The following TTN variants were observed in gnomAD, a reference collection of about 807,000 sequenced individuals.
The protein encoded by TTN is connectin.
TTN carries 1,525 observed loss-of-function variants against 3,223.0 expected under a neutral mutation model. The observed-to-expected ratio is 0.47, with a 90% confidence interval of 0.45 to 0.49. TTN has a LOEUF of 0.49. Ranked by LOEUF, TTN falls within the 20% of genes least tolerant of loss-of-function variation. The pLI, the probability that TTN is intolerant of heterozygous loss-of-function variation, is 0.00. For missense variants in TTN, 40,786 were observed against 43,424.0 expected, an observed-to-expected ratio of 0.94 and a Z score of 5.40; for synonymous variants, 14,094 against 15,161.0, an observed-to-expected ratio of 0.93 and a Z score of 5.17.
At position 178,722,445 on chromosome 2, in the gene TTN, T is replaced by C. The variant is rs1349950887; in HGVS notation, c.22342A>G (p.Ile7448Val). Residue 7448 changes from isoleucine to valine, a missense_variant, in exon 77 of 363, where the codon ATC (isoleucine) becomes GTC (valine). Physicochemically the swap from Ile to Val is conservative, Grantham distance 29 (BLOSUM62 3). Coordinates refer to ENST00000589042, the MANE Select transcript of TTN (RefSeq NM_001267550.2). ...LTCRLNGSAP[I>V]QVCWYRDGVL... ...CCATCTCTATACCAGCACACTTGGA[T>C]GGGTGCAGAGCCATTTAATCGACAA... The C allele has an allele frequency of 1.2e-6, 2 of 1,613,356 alleles. No homozygotes were observed. Among genetic ancestry groups the C allele is most frequent in the Non-Finnish European group, 1.7e-6 (2 of 1,179,550 alleles).
Position 178,662,384 on chromosome 2 carries a change from T to A in TTN, c.36993A>T (p.Glu12331Asp). ...GTTTTTTGGGTGGAGCCACGGGAAT[T>A]TCTTTTTCTGTGGCTTCTTGAGGAA... ...PEVPQEATEK[E>D]IPVAPPKKPE... Residue 12331 changes from glutamate to aspartate, a missense_variant, in exon 177 of 363, where the codon GAA becomes GAT. Transcript: ENST00000589042. 4.8e-6 allele frequency: 7 copies of A among 1,470,632 alleles called. 2 individuals are homozygous for A. Among genetic ancestry groups the A allele is most frequent in the African/African-American group, 4.7e-5 (3 of 63,262 alleles). The allele number at this position is 1,470,632 out of a possible 1,614,324, so 91.1% of individuals were successfully genotyped here. A position where few individuals can be genotyped will look rare whatever the true frequency, so the allele number is the denominator to read the frequency against.
chr2:178,755,197 G>A (rs2154334145), intron 46 of TTN, among the ~76,000 whole-genome samples: 1 of 152,102 alleles, frequency 6.6e-6, no homozygotes, highest in Middle Eastern at 3.4e-3. Context: ...CAAAAGGAAA[G>A]TCCATGGATA....
Position 178,533,563 on chromosome 2 carries a change from G to A in TTN, c.103052C>T (p.Thr34351Ile), listed in dbSNP as rs772319019. The A allele has an allele frequency of 6.2e-7, 1 of 1,613,914 alleles. No individual in the cohort carries two copies. The highest frequency in any genetic ancestry group is 1.7e-5 in the Admixed American group (1 of 60,014). Residue 34351 changes from threonine to isoleucine, a missense_variant, in exon 358 of 363, where the codon ACC becomes ATC. Physicochemically the swap from Thr to Ile is moderately conservative, Grantham distance 89. Transcript: ENST00000589042. ...EDSCKAKLTV[T>I]LHPPPTDSTL... ...ACTATCTGTTGGAGGTGGGTGTAGG[G>A]TTACTGTCAGCTTTGCTTTACAGCT...
At position 178,734,769 on chromosome 2, in the gene TTN, T is replaced by C. The variant is rs950432591; in HGVS notation, c.15155A>G (p.Tyr5052Cys). The C allele has an allele frequency of 6.2e-7, 1 of 1,613,508 alleles. No homozygotes were observed. The highest frequency in any genetic ancestry group is 1.3e-5 in the African/African-American group (1 of 74,928). Residue 5052 changes from tyrosine (Y) to cysteine (C), a missense_variant, in exon 51 of 363, where the codon TAC (tyrosine) becomes TGC (cysteine). Physicochemically the swap from Tyr to Cys is radical, Grantham distance 194. Coordinates refer to ENST00000589042, the MANE Select transcript of TTN (RefSeq NM_001267550.2). ...TDVKVEDSGSYSCEAVNDVGS... is the reference protein window; with the variant it reads ...TDVKVEDSGSCSCEAVNDVGS... The stretch of plus-strand genomic sequence containing the variant: ...GACGTCATTCACTGCTTCACATGAG[T>C]AACTCCCACTGTCTTCAACTTTTAC...
intron 41 of TTN, among the ~76,000 whole-genome samples, chr2:178,765,500 T>A (rs2090213975): frequency 6.6e-6 from 1 of 152,124 alleles, no homozygotes; most frequent in African/African-American, 2.4e-5. Flanking sequence ...ATAGAAAAGA[T>A]CTTTACTTTT....
chr2:178,589,010 C>T lies in TTN; in HGVS notation c.62715G>A (p.Glu20905=). Residue 20905 remains glutamate, a synonymous_variant, in exon 304 of 363, where the codon GAG becomes GAA. Transcript: ENST00000589042. ...EIQNYILEKC[E]TKRMVWSTYS... is the part of the protein sequence containing the mutation. ...AGGTAGACCAAACCATTCGCTTTGT[C>T]TCACATTTTTCTAGAATATAATTTT... 6.2e-7 allele frequency: 1 copy of T among 1,611,148 alleles called. No individual in the cohort carries two copies. Among genetic ancestry groups the T allele is most frequent in the Non-Finnish European group, 8.5e-7 (1 of 1,179,386 alleles).
In TTN at chr2:178,592,363, G is replaced by A; in HGVS notation, c.59626+16C>T. 2.5e-6 allele frequency: 4 copies of A among 1,607,290 alleles called. No homozygotes were observed. The highest frequency in any genetic ancestry group is 3.4e-6 in the Non-Finnish European group (4 of 1,178,166). On this transcript the variant is annotated intron_variant, in intron 301 of 362. Transcript: ENST00000589042. The stretch of plus-strand genomic sequence containing the variant: ...TCAAAATTTATTTTTAATGGCCTAA[G>A]TAGTAAAATTCTTACCTAATACAAG...
In TTN at chr2:178,618,010, G is replaced by T. The variant is rs932333848; in HGVS notation, c.47341C>A (p.Pro15781Thr). Residue 15781 changes from proline (P) to threonine (T), a missense_variant, in exon 253 of 363, where the codon CCA becomes ACA. Transcript: ENST00000589042. ...NRFGVSLTWE[P>T]PEYDGGAEIT... ...TCAGCACCTCCATCATACTCTGGTG[G>T]TTCCCATGTCAGTGAGACACCAAAT... The T allele has an allele frequency of 6.2e-7, 1 of 1,612,480 alleles. No individual in the cohort carries two copies. The highest frequency in any genetic ancestry group is 2.2e-5 in the East Asian group (1 of 44,638).
chr2:178,697,368 C>CA, intron 112 of TTN, among the ~76,000 whole-genome samples, 200 bp from the exon 113 acceptor site: 1 of 152,160 alleles, frequency 6.6e-6, no homozygotes, highest in Non-Finnish European at 1.5e-5. Flanking sequence ...GCCATATTAA[C>CA]AAAAATCAAA....
rs1414842185 is a variant in TTN at position 178,718,598 on chromosome 2, G to A, written c.24508C>T (p.Pro8170Ser). The change falls in exon 85 of 363, where the codon CCA becomes TCA. Residue 8170 changes from proline to serine, a missense_variant and splice_region_variant. Pro to Ser is a moderately conservative substitution (Grantham distance 74). Transcript: ENST00000589042. The part of the protein sequence containing the change: ...SCTTHLFVKE[P>S]ATFVKRLADF... Reference sequence around the variant, plus strand: ...GCCAATCTTTTCACAAAGGTGGCTGGTTCTATAAGGAGAAAACATGTGGGT... The same window carrying A: ...GCCAATCTTTTCACAAAGGTGGCTGATTCTATAAGGAGAAAACATGTGGGT... 1.2e-6 allele frequency: 2 copies of A among 1,609,622 alleles called. No homozygotes were observed. Among genetic ancestry groups the A allele is most frequent in the East Asian group, 4.5e-5 (2 of 44,828 alleles).
chr2:178,745,613 T>A (rs749829142), intron 47 of TTN: 1 of 1,612,798 alleles, frequency 6.2e-7, no homozygotes, highest in Non-Finnish European at 8.5e-7. Context: ...TGCAAAGCTC[T>A]CAGCCATTCC....
rs2062528524 is a variant in TTN, at chr2:178,649,259, A to C, written c.40046T>G (p.Leu13349Arg). The change falls in exon 213 of 363, where the codon CTT becomes CGT. Residue 13349 changes from leucine (L) to arginine (R), a missense_variant. Leu to Arg is a moderately radical substitution (Grantham distance 102). Transcript: ENST00000589042. ...PVPVTKKPEV[L>R]PEKVPKVPEK... is the part of the protein sequence containing the mutation. ...TTCATGGTAGGTACCTTTTTCTGGA[A>C]GAACTTCTGGTTTTTTGGTAACAGG... is the stretch of plus-strand genomic sequence containing the variant. The C allele has an allele frequency of 1.3e-6, 2 of 1,501,272 alleles. No homozygotes were observed. 93.0% of individuals were successfully genotyped at this position (1,501,272 alleles called of 1,614,324 possible).
In TTN at chr2:178,619,682, G is replaced by C; in HGVS notation, c.46635C>G (p.Asp15545Glu). The C allele has an allele frequency of 1.2e-6, 2 of 1,612,186 alleles. No individual in the cohort carries two copies. Among genetic ancestry groups the C allele is most frequent in the Non-Finnish European group, 1.7e-6 (2 of 1,178,868 alleles). The change falls in exon 250 of 363, where the codon GAC becomes GAG. Residue 15545 changes from aspartate (D) to glutamate (E), a missense_variant. Asp to Glu is a conservative substitution (Grantham distance 45). Transcript: ENST00000589042. ...RLQICDIKPR[D>E]QGEYRFIAKD... is the part of the protein sequence containing the mutation. ...TGGCAATAAATCTGTATTCACCCTG[G>C]TCACGGGGCTTAATATCACAAATCT...
Position 178,647,412 on chromosome 2 carries a change from G to A in TTN, c.40110C>T (p.Ile13370=). The part of the protein sequence containing the change: ...IIPEKEVSVP[I]PAEPEVPPAE... Reference sequence around the variant, plus strand: ...CAGGTGGAACTTCTGGCTCTGCAGGGATAGGCACAGACACTTCCTTTTCTG... The same window carrying A: ...CAGGTGGAACTTCTGGCTCTGCAGGAATAGGCACAGACACTTCCTTTTCTG... Residue 13370 remains isoleucine, a synonymous_variant, in exon 214 of 363, where the codon ATC becomes ATT. Transcript: ENST00000589042. 2 of 1,549,712 alleles carry A rather than the reference G, an allele frequency of 1.3e-6. No individual in the cohort carries two copies. Among genetic ancestry groups the A allele is most frequent in the Non-Finnish European group, 1.7e-6 (2 of 1,146,444 alleles).
At position 178,575,986 on chromosome 2, in the gene TTN, G is replaced by A. The variant is rs749188184; in HGVS notation, c.70146C>T (p.Asn23382=). The A allele has an allele frequency of 1.2e-6, 2 of 1,611,456 alleles. No homozygotes were observed. The highest frequency in any genetic ancestry group is 2.2e-5 in the South Asian group (2 of 91,024). Residue 23382 remains asparagine (N), a synonymous_variant, in exon 326 of 363, where the codon AAC becomes AAT. Transcript: ENST00000589042. The surrounding 1 kb of genome is among the most constrained non-coding windows in gnomAD (Gnocchi z 4.0). ...PAPEVTWTKD[N]INLKNRANIE... is the part of the protein sequence containing the mutation. ...TGTTGGCTCGGTTTTTCAGGTTGAT[G>A]TTATCTTTGGTCCATGTCACTTCAG...
rs1422486813 is a variant in TTN, at chr2:178,649,248, C to G, written c.40057G>C (p.Val13353Leu). The change falls in exon 213 of 363, where the codon GTG becomes CTG. Residue 13353 changes from valine to leucine, a missense_variant and splice_region_variant. By Grantham distance (32) the Val-to-Leu change is conservative. Coordinates refer to ENST00000589042, the MANE Select transcript of TTN (RefSeq NM_001267550.2). Reference sequence around the variant, plus strand: ...TCTATTTTTTCTTCATGGTAGGTACCTTTTTCTGGAAGAACTTCTGGTTTT... The same window carrying G: ...TCTATTTTTTCTTCATGGTAGGTACGTTTTTCTGGAAGAACTTCTGGTTTT... Reference protein sequence around the residue: ...TKKPEVLPEKVPKVPEKIIPE... With the variant: ...TKKPEVLPEKLPKVPEKIIPE... 1 of 1,498,950 alleles carries G rather than the reference C, an allele frequency of 6.7e-7. No individual in the cohort carries two copies. The highest frequency in any genetic ancestry group is 8.9e-7 in the Non-Finnish European group (1 of 1,129,702). The allele number at this position is 1,498,950 out of a possible 1,614,324, so 92.9% of individuals were successfully genotyped here.
chr2:178,697,580 T>G (rs1363399035), intron 112 of TTN, among the ~76,000 whole-genome samples: 9 of 152,206 alleles, frequency 5.9e-5, no homozygotes, highest in African/African-American at 1.9e-4. Context: ...GAGTGTCCTC[T>G]TATTCCATGA....
At chr2:178,771,668 A>G (rs2091506961) in intron 33 of TTN, among the ~76,000 whole-genome samples, 197 bp from the exon 34 acceptor site, 1 of 152,228 alleles carries the variant, frequency 6.6e-6, no homozygotes, top group East Asian at 1.9e-4. Context: ...GATAATTAGG[A>G]GAAATACTGG....
In TTN at chr2:178,713,173, C is replaced by G; in HGVS notation, c.26961G>C (p.Met8987Ile). ...TDNTCALTVN[M>I]LEESDSGDYT... The stretch of plus-strand genomic sequence containing the variant: ...AGTCACCACTGTCTGATTCTTCCAG[C>G]ATGTTCACAGTTAAAGCACAAGTAT... Residue 8987 changes from methionine to isoleucine, a missense_variant, in exon 93 of 363, where the codon ATG (methionine) becomes ATC (isoleucine). Met to Ile is a conservative substitution (Grantham distance 10). Transcript: ENST00000589042. 6.2e-7 allele frequency: 1 copy of G among 1,613,748 alleles called. No individual in the cohort carries two copies. The highest frequency in any genetic ancestry group is 8.5e-7 in the Non-Finnish European group (1 of 1,179,766).
Sources: gnomAD v4.1 joint callset for allele counts (sites outside exome capture counted in the v4.1 genomes callset) on GRCh38, gnomAD v4.1.1 for gene constraint, Gnocchi (gnomAD v3.1) non-coding constraint, MANE v1.5 for transcripts, NCBI Gene and HGNC (gene_info 2026-07-23, HGNC 2026-07-21) for gene names.